PJA2: variants seen among roughly 807,000 people sequenced by gnomAD.
PJA2 encodes the protein E3 ubiquitin-protein ligase Praja-2.
PJA2 carries 25 observed loss-of-function variants against 69.3 expected under a neutral mutation model. That is an observed-to-expected ratio of 0.36 (90% CI 0.26 to 0.50). The LOEUF (loss-of-function observed/expected upper bound fraction) is 0.50, where lower values mean the gene tolerates loss of function less well. Ranked by LOEUF, PJA2 falls within the 20% of genes least tolerant of loss-of-function variation. The pLI is 0.96. For synonymous variants in PJA2, 308 were observed against 277.8 expected, an observed-to-expected ratio of 1.11 and a Z score of -1.08; for missense variants, 809 against 830.2, an observed-to-expected ratio of 0.97 and a Z score of 0.31.
intron 9 of PJA2, among the ~76,000 whole-genome samples, chr5:109,339,001 C>A (rs190892869): frequency 6.6e-6 from 1 of 152,188 alleles, no homozygotes; most frequent in Non-Finnish European, 1.5e-5. Flanking sequence ...TTAAACTGCA[C>A]CTACCTATAT....
chr5:109,378,181 A>G (rs775173119), intron 4 of PJA2, 23 bp downstream of exon 4: 2 of 1,551,836 alleles, frequency 1.3e-6, no homozygotes, highest in Non-Finnish European at 1.8e-6. Flanking sequence ...CACAATCGGA[A>G]AAAGTACTGG....
intron 4 of PJA2, among the ~76,000 whole-genome samples, chr5:109,374,481 A>T (rs527553751): frequency 2.4e-4 from 36 of 152,058 alleles, no homozygotes; most frequent in South Asian, 1.0e-3. Flanking sequence ...GCCTCACAAT[A>T]ATAAATACGT....
At chr5:109,401,924 A>C (rs960617647) in intron 1 of PJA2, among the ~76,000 whole-genome samples, 1 of 152,224 alleles carries the variant, frequency 6.6e-6, no homozygotes, top group South Asian at 2.1e-4. Flanking sequence ...CATTTATGGC[A>C]TTTGTAAAAG....
chr5:109,368,182 A>G (rs1428193336), intron 5 of PJA2, among the ~76,000 whole-genome samples: 2 of 152,206 alleles, frequency 1.3e-5, no homozygotes, highest in African/African-American at 2.4e-5. Flanking sequence ...TATGAACACT[A>G]GCTTTTGCAA....
intron 2 of PJA2, among the ~76,000 whole-genome samples, chr5:109,382,371 G>C (rs1038016374): frequency 4.6e-5 from 7 of 152,144 alleles, no homozygotes; most frequent in Non-Finnish European, 8.8e-5. Context: ...TACATGACTT[G>C]ACAATTAAGT....
intron 7 of PJA2, among the ~76,000 whole-genome samples, chr5:109,354,708 G>C (rs1026180115): frequency 6.9e-6 from 1 of 145,790 alleles, no homozygotes; most frequent in Non-Finnish European, 1.5e-5. Flanking sequence ...TTATCTAATA[G>C]ATATATCTAA....
chr5:109,394,704 G>A (rs1216499937), intron 1 of PJA2, among the ~76,000 whole-genome samples: 3 of 152,162 alleles, frequency 2.0e-5, no homozygotes, highest in African/African-American at 7.2e-5. Flanking sequence ...AATATAAGGT[G>A]TGAAGTGGAA....
At chr5:109,367,144 ATAT>A (rs1230279307) in intron 5 of PJA2, among the ~76,000 whole-genome samples, 2 of 131,210 alleles carry the variant, frequency 1.5e-5, no homozygotes, top group African/African-American at 5.9e-5. Flanking sequence ...AAAAAAAAAA[ATAT>A]ATATATATAT....
chr5:109,409,052 C>T (rs1747760419), intron 1 of PJA2: 1 of 152,034 alleles, frequency 6.6e-6, no homozygotes, highest in South Asian at 2.1e-4. Flanking sequence ...TACTCTCCTC[C>T]CTGCAAAACG....
chr5:109,408,049 G>A (rs1466217954), intron 1 of PJA2, among the ~76,000 whole-genome samples: 2 of 152,062 alleles, frequency 1.3e-5, no homozygotes, highest in Non-Finnish European at 2.9e-5. Context: ...TAATAAAGAG[G>A]GAGAAAGGGT....
intron 5 of PJA2, among the ~76,000 whole-genome samples, chr5:109,366,178 T>A (rs1318923125): frequency 8.2e-6 from 1 of 122,620 alleles, no homozygotes; most frequent in East Asian, 2.5e-4. Context: ...GAAAGAGACT[T>A]GTGATCTACA....
chr5:109,341,146 G>C (rs1320183056), intron 9 of PJA2, among the ~76,000 whole-genome samples: 1 of 109,350 alleles, frequency 9.1e-6, no homozygotes, highest in Non-Finnish European at 2.1e-5. Flanking sequence ...GCCCAGTCTG[G>C]AAAGTGAGGA....
intron 1 of PJA2, among the ~76,000 whole-genome samples, chr5:109,402,985 T>C (rs1251351848): frequency 6.6e-6 from 1 of 151,292 alleles, no homozygotes; most frequent in Non-Finnish European, 1.5e-5. Flanking sequence ...CTTAATAAAT[T>C]AACATAGAGG....
intron 1 of PJA2, among the ~76,000 whole-genome samples, 151 bp downstream of exon 1, chr5:109,409,691 G>A (rs1383566837): frequency 6.6e-6 from 1 of 152,040 alleles, no homozygotes; most frequent in African/African-American, 2.4e-5. Flanking sequence ...ACCCACCATG[G>A]CCGGCGCAGC....
chr5:109,359,562 T>G (rs1762476915), intron 6 of PJA2, among the ~76,000 whole-genome samples: 1 of 152,174 alleles, frequency 6.6e-6, no homozygotes. Context: ...TGCTAAAAAT[T>G]CACAACTCAA....
chr5:109,388,801 C>G (rs1157852126), intron 1 of PJA2, among the ~76,000 whole-genome samples: 1 of 152,114 alleles, frequency 6.6e-6, no homozygotes, highest in Non-Finnish European at 1.5e-5. Context: ...CTCCAAAATG[C>G]CCTAAAAACA....
At chr5:109,344,410 G>A (rs1211798142) in intron 8 of PJA2, 99 bp from the exon 9 acceptor site, 13 of 1,273,502 alleles carry the variant, frequency 1.0e-5, no homozygotes, top group African/African-American at 4.5e-5. Flanking sequence ...TCTGAAAGAC[G>A]AAAGAGCCAG....
rs369266179 is a variant in PJA2, at chr5:109,337,179, A to T, written c.*52T>A. On this transcript the variant is annotated 3_prime_UTR_variant, in exon 10 of 10. Coordinates refer to ENST00000361189, the MANE Select transcript of PJA2 (RefSeq NM_014819.5). ...TAATTATTTGCACATGAAATTTAGA[A>T]GGAATTTGCAGATTTACTTTGATAC... 1.6e-5 allele frequency: 25 copies of T among 1,542,820 alleles called. No individual in the cohort carries two copies. Among genetic ancestry groups the T allele is most frequent in the Admixed American group, 1.1e-4 (6 of 52,640 alleles).
intron 4 of PJA2, among the ~76,000 whole-genome samples, chr5:109,375,562 T>C (rs1288432737): frequency 6.6e-6 from 1 of 152,174 alleles, no homozygotes; most frequent in Admixed American, 6.5e-5. Flanking sequence ...ACTTTAGTTA[T>C]ATTCTTGATG....
Sources: gnomAD v4.1 joint callset for allele counts (sites outside exome capture counted in the v4.1 genomes callset) on GRCh38, gnomAD v4.1.1 for gene constraint, MANE v1.5 for transcripts, NCBI Gene and HGNC (gene_info 2026-07-23, HGNC 2026-07-21) for gene names.